The following ANKS1B variants were observed in gnomAD, a reference collection of about 807,000 sequenced individuals.
ANKS1B encodes the protein ankyrin repeat and sterile alpha motif domain containing 1B, also known as ankyrin repeat and sterile alpha motif domain-containing protein 1B.
ANKS1B carries 36 observed loss-of-function variants against 148.3 expected under a neutral mutation model. The ratio of observed to expected loss-of-function variants is 0.24; its 90% CI spans 0.19 to 0.32. The LOEUF is 0.32. ANKS1B is among the 10% of genes least tolerant of loss of function. ANKS1B has a pLI of 1.00. For missense variants in ANKS1B, 1,157 were observed against 1,542.6 expected (o/e 0.75, Z 4.19); for synonymous variants, 542 against 560.8 (o/e 0.97, Z 0.47).
At chr12:99,853,648 T>C (rs2088427960) in intron 1 of ANKS1B, among the ~76,000 whole-genome samples, 1 of 152,058 alleles carries the variant, frequency 6.6e-6, no homozygotes, top group Non-Finnish European at 1.5e-5. Flanking sequence ...ATCCTGGTAA[T>C]ATGGCAAAAC....
chr12:99,341,006 T>C (rs545488598), intron 12 of ANKS1B: 115 of 152,274 alleles, frequency 7.6e-4, no homozygotes, highest in African/African-American at 2.7e-3. Context: ...TATCCATCTA[T>C]ACAGTAATAA....
At position 99,000,069 on chromosome 12, in the gene ANKS1B, G is replaced by T. The variant is rs559030481; in HGVS notation, c.2778+53088C>A. Among the ~76,000 whole-genome samples, 4 of 151,994 alleles carry T rather than the reference G, an allele frequency of 2.6e-5. No individual in the cohort carries two copies. In the East Asian group the frequency reaches 7.7e-4, roughly 29 times the overall value. On this transcript the variant is annotated intron_variant, in intron 17 of 26. Coordinates refer to ENST00000683438, the MANE Select transcript of ANKS1B (RefSeq NM_001352186.2). ...ATGTCCAGTAAAATGCTAAGAAACG[G>T]GTGGGTAGAAGAAGAGGAAAGGAAG...
At chr12:99,146,113 T>G (rs2072983506) in intron 15 of ANKS1B, among the ~76,000 whole-genome samples, 1 of 152,182 alleles carries the variant, frequency 6.6e-6, no homozygotes, top group Non-Finnish European at 1.5e-5. Flanking sequence ...CATGGAAATA[T>G]ATAGAACTTA....
At chr12:98,956,018 A>G (rs1297251104) in intron 17 of ANKS1B, among the ~76,000 whole-genome samples, 1 of 152,194 alleles carries the variant, frequency 6.6e-6, no homozygotes, top group African/African-American at 2.4e-5. Context: ...GGTCTGCCTG[A>G]ATTCCAGGCC....
chr12:99,369,231 T>C (rs1720573084), intron 12 of ANKS1B, among the ~76,000 whole-genome samples: 2 of 152,202 alleles, frequency 1.3e-5, no homozygotes, highest in South Asian at 2.1e-4. Flanking sequence ...TGAAGTACCA[T>C]ACTCTTGCCA....
At chr12:98,742,810 G>T (rs964083955), downstream of ANKS1B, among the ~76,000 whole-genome samples, 20 of 152,236 alleles carry the variant, frequency 1.3e-4, no homozygotes, top group African/African-American at 4.6e-4. Flanking sequence ...TTGCCTAGAG[G>T]CAGTAAATGT....
intron 17 of ANKS1B, among the ~76,000 whole-genome samples, chr12:98,979,193 T>C (rs2099904521): frequency 6.6e-6 from 1 of 152,056 alleles, no homozygotes; most frequent in Non-Finnish European, 1.5e-5. Flanking sequence ...TATTTATCCA[T>C]AAATTTACCA....
intron 12 of ANKS1B, chr12:99,386,309 T>A (rs968727307): frequency 6.6e-6 from 1 of 152,174 alleles, no homozygotes; most frequent in African/African-American, 2.4e-5. Context: ...AACGCATTGT[T>A]AGATGTTAGA....
chr12:99,880,585 T>G (rs2092416547), intron 1 of ANKS1B, among the ~76,000 whole-genome samples: 1 of 152,230 alleles, frequency 6.6e-6, no homozygotes, highest in Non-Finnish European at 1.5e-5. Context: ...CTGCCTTCTA[T>G]GTACAGGTAG....
At chr12:99,076,002 C>A (rs1033056507) in intron 16 of ANKS1B, among the ~76,000 whole-genome samples, 1 of 151,578 alleles carries the variant, frequency 6.6e-6, no homozygotes, top group Non-Finnish European at 1.5e-5. Flanking sequence ...ATCAATTTTT[C>A]TCATTAGAAT....
intron 16 of ANKS1B, among the ~76,000 whole-genome samples, chr12:99,055,812 T>C (rs1232005352): frequency 9.9e-5 from 15 of 152,142 alleles, no homozygotes; most frequent in Admixed American, 9.8e-4. Context: ...TGGAAAGTTA[T>C]TGGAAATGTC....
At chr12:99,027,679 C>A (rs1402657060) in intron 17 of ANKS1B, among the ~76,000 whole-genome samples, 2 of 152,224 alleles carry the variant, frequency 1.3e-5, no homozygotes, top group Non-Finnish European at 2.9e-5. Flanking sequence ...GAGTCTGTGG[C>A]CCAGTGCAAA....
At chr12:98,743,334 G>A (rs947830537), downstream of ANKS1B, among the ~76,000 whole-genome samples, 4 of 151,446 alleles carry the variant, frequency 2.6e-5, no homozygotes, top group Admixed American at 2.6e-4. Flanking sequence ...ATTTTCATAG[G>A]GTTCGTTAAC....
At chr12:99,873,511 G>A in intron 1 of ANKS1B, among the ~76,000 whole-genome samples, 1 of 152,072 alleles carries the variant, frequency 6.6e-6, no homozygotes, top group East Asian at 1.9e-4. Flanking sequence ...CCTACCCTCA[G>A]CTCTACCTCG....
intron 1 of ANKS1B, among the ~76,000 whole-genome samples, chr12:99,939,725 T>C (rs2094872413): frequency 6.6e-6 from 1 of 152,240 alleles, no homozygotes; most frequent in African/African-American, 2.4e-5. Flanking sequence ...CAACTGTTAC[T>C]GTATTTATTT....
intron 8 of ANKS1B, among the ~76,000 whole-genome samples, chr12:99,727,380 C>T (rs2058716252): frequency 1.3e-5 from 2 of 151,840 alleles, no homozygotes; most frequent in Admixed American, 6.6e-5. Flanking sequence ...AAATGAACTC[C>T]CATTCACAAT....
At chr12:98,968,925 G>A (rs1453632732) in intron 17 of ANKS1B, among the ~76,000 whole-genome samples, 1 of 152,160 alleles carries the variant, frequency 6.6e-6, no homozygotes, top group Non-Finnish European at 1.5e-5. Context: ...GTAGAGATAT[G>A]TTAATAAAAT....
chr12:98,925,327 G>A (rs1424469888), intron 17 of ANKS1B, among the ~76,000 whole-genome samples: 2 of 152,064 alleles, frequency 1.3e-5, no homozygotes, highest in African/African-American at 2.4e-5. Context: ...TCTATACTCC[G>A]GCTACACAAA....
intron 24 of ANKS1B, among the ~76,000 whole-genome samples, chr12:98,780,173 GTTCCCT>G (rs1176972735): frequency 3.3e-5 from 5 of 152,132 alleles, no homozygotes; most frequent in Non-Finnish European, 5.9e-5. Context: ...CATGACTTCT[GTTCCCT>G]TTCTCCAAAA....
Sources: allele counts gnomAD v4.1 joint callset (sites outside exome capture counted in the v4.1 genomes callset), GRCh38; gene constraint gnomAD v4.1.1; transcripts MANE v1.5; gene names NCBI Gene and HGNC (gene_info 2026-07-23, HGNC 2026-07-21).